SFMBT2: variants seen among roughly 807,000 people sequenced by gnomAD.
SFMBT2 encodes the protein scm-like with four MBT domains protein 2.
A neutral mutation model predicts 110.1 loss-of-function variants in SFMBT2; 38 were observed. The ratio of observed to expected loss-of-function variants is 0.35; its 90% CI spans 0.27 to 0.45. The LOEUF (loss-of-function observed/expected upper bound fraction) is 0.45. SFMBT2 is among the 20% of genes least tolerant of loss of function. The pLI is 1.00. For missense variants in SFMBT2, 1,011 were observed against 1,094.9 expected (o/e 0.92, Z 1.08); for synonymous variants, 425 against 425.4 (o/e 1.00, Z 0.01).
chr10:7,257,106 G>GGGAGGGGAGC (rs1459535842), intron 7 of SFMBT2, among the ~76,000 whole-genome samples: 9 of 146,902 alleles, frequency 6.1e-5, no homozygotes, highest in Non-Finnish European at 7.6e-5. Context: ...GGAAGGGGAG[G>GGGAGGGGAGC]GGAGGGGAGG....
chr10:7,207,635 C>T (rs1839196451), intron 11 of SFMBT2: 5 of 983,526 alleles, frequency 5.1e-6, no homozygotes, highest in Non-Finnish European at 6.0e-6. Context: ...TTCTGAATCA[C>T]ATCCTCCCTC....
rs373322144 is a variant in SFMBT2 at position 7,248,799 on chromosome 10, AGAT to A, written c.871-153_871-151del. 2.3e-3 allele frequency: 1,567 copies of A among 691,028 alleles called. 16 individuals carry two copies. In the African/African-American group the frequency reaches 0.023, roughly 10 times the overall value. The allele number at this position is 691,028 out of a possible 1,614,324, so 42.8% of individuals were successfully genotyped here. On this transcript the variant is annotated intron_variant, in intron 7 of 20. Transcript: ENST00000397167. ...CTGTTTCGAATTTCTAATTATTGCC[AGAT>A]ACCACGGATTTAATTATTTTCTGCA... is the stretch of plus-strand genomic sequence containing the variant.
chr10:7,160,122 T>A lies in SFMBT2; in HGVS notation c.*3648A>T, dbSNP rs1399091201. 2.0e-5 allele frequency: 3 copies of A among 152,214 alleles called. No individual in the cohort carries two copies. Among genetic ancestry groups the A allele is most frequent in the Non-Finnish European group, 4.4e-5 (3 of 68,042 alleles). 9.4% of individuals were successfully genotyped at this position (152,214 alleles called of 1,614,324 possible). On this transcript the variant is annotated 3_prime_UTR_variant, in exon 21 of 21. Transcript: ENST00000397167. ...GAAGCCGTGCAGCTCAAATACTGTG[T>A]CTGACTCCAACTTGGATCAAATGAC...
chr10:7,286,418 G>A lies in SFMBT2; in HGVS notation c.437-464C>T, dbSNP rs991104344. 12 of 966,054 alleles carry A rather than the reference G, an allele frequency of 1.2e-5. No homozygotes were observed. In the African/African-American group the frequency reaches 1.6e-4, roughly 13 times the overall value. 59.8% of individuals were successfully genotyped at this position (966,054 alleles called of 1,614,324 possible). On this transcript the variant is annotated intron_variant, in intron 4 of 20. Coordinates refer to ENST00000397167, the MANE Select transcript of SFMBT2 (RefSeq NM_001387889.1). ...AAATGGGCACAAAATAACAAGAGGGGTGGACTGAAGGTGAAATGGAGAAAT... is the reference window on the plus strand; with the variant it reads ...AAATGGGCACAAAATAACAAGAGGGATGGACTGAAGGTGAAATGGAGAAAT...
intron 11 of SFMBT2, among the ~76,000 whole-genome samples, chr10:7,216,324 G>T (rs1205307796): frequency 6.6e-6 from 1 of 152,112 alleles, no homozygotes; most frequent in Non-Finnish European, 1.5e-5. Context: ...AATCATGGGG[G>T]GCAGCTCCCC....
chr10:7,220,887 C>T (rs61838000), intron 10 of SFMBT2, among the ~76,000 whole-genome samples: 5,065 of 150,288 alleles, frequency 0.034, 272 homozygotes, highest in Admixed American at 0.15. Context: ...AGTGCAGTGG[C>T]GTGATCTCGG....
chr10:7,277,091 C>A, intron 6 of SFMBT2, 102 bp from the exon 7 acceptor site: 1 of 721,920 alleles, frequency 1.4e-6, no homozygotes, highest in Non-Finnish European at 2.5e-6. Context: ...TACCTCAGCA[C>A]GGTCAGTGAC....
At chr10:7,327,135 G>GA (rs35099211) in intron 4 of SFMBT2, among the ~76,000 whole-genome samples, 27 of 125,564 alleles carry the variant, frequency 2.2e-4, no homozygotes, top group African/African-American at 6.7e-4. Context: ...GGTCTTCCTT[G>GA]AAAAAAAAAA....
At chr10:7,312,455 A>T (rs1842885452) in intron 4 of SFMBT2, among the ~76,000 whole-genome samples, 1 of 152,214 alleles carries the variant, frequency 6.6e-6, no homozygotes, top group Non-Finnish European at 1.5e-5. Flanking sequence ...GGGGAACAGG[A>T]ATGCTGAGGC....
At chr10:7,265,337 G>A (rs117445312) in intron 7 of SFMBT2, among the ~76,000 whole-genome samples, 3,785 of 152,056 alleles carry the variant, frequency 0.025, 54 homozygotes, top group Non-Finnish European at 0.038. Flanking sequence ...ATGTAGCTGG[G>A]ATAACATGCG....
Position 7,312,508 on chromosome 10 carries a change from G to A in SFMBT2, c.437-26554C>T, listed in dbSNP as rs1020796375. Among the ~76,000 whole-genome samples, 5 of 152,266 alleles carry A rather than the reference G, an allele frequency of 3.3e-5. No individual in the cohort carries two copies. In the East Asian group the frequency reaches 5.8e-4, roughly 18 times the overall value. On this transcript the variant is annotated intron_variant, in intron 4 of 20. Coordinates refer to ENST00000397167, the MANE Select transcript of SFMBT2 (RefSeq NM_001387889.1). ...ATAAAATAGAGGAAAAGAGAATGAC[G>A]AGAATCCAGAAATTTTGCCTTAGAA...
chr10:7,270,617 G>C (rs1045496033), intron 7 of SFMBT2, among the ~76,000 whole-genome samples: 1 of 152,158 alleles, frequency 6.6e-6, no homozygotes, highest in Non-Finnish European at 1.5e-5. Flanking sequence ...CCCACACCCT[G>C]CCTCATGAGA....
chr10:7,169,282 A>G (rs1424858424), intron 20 of SFMBT2, among the ~76,000 whole-genome samples: 1 of 152,196 alleles, frequency 6.6e-6, no homozygotes, highest in Non-Finnish European at 1.5e-5. Context: ...TTCTTTCAGC[A>G]TGAACTTAGT....
Position 7,197,647 on chromosome 10 carries a change from G to A in SFMBT2, c.1599C>T (p.Ile533=). 6.2e-7 allele frequency: 1 copy of A among 1,614,212 alleles called. No individual in the cohort carries two copies. Among genetic ancestry groups the A allele is most frequent in the Non-Finnish European group, 8.5e-7 (1 of 1,180,036 alleles). The change falls in exon 15 of 21, where the codon ATC becomes ATT. Residue 533 remains isoleucine, a synonymous_variant. Transcript: ENST00000397167. The part of the protein sequence containing the change: ...NGKYCCPQLF[I]NHRCFSGPYL... ...AAGGGCCTGAGAAACACCTGTGGTT[G>A]ATGAAGAGCTGAGGACAGCAGTATT...
At chr10:7,226,366 T>TA (rs1256519784) in intron 10 of SFMBT2, among the ~76,000 whole-genome samples, 1 of 152,112 alleles carries the variant, frequency 6.6e-6, no homozygotes, top group Non-Finnish European at 1.5e-5. Flanking sequence ...CTCCAAACTC[T>TA]GATTTTGACT....
At chr10:7,234,378 A>G (rs1027331886) in intron 9 of SFMBT2, among the ~76,000 whole-genome samples, 33 of 152,336 alleles carry the variant, frequency 2.2e-4, no homozygotes, top group African/African-American at 7.7e-4. Context: ...AATGTTCTAC[A>G]TGTTATTCTG....
chr10:7,315,341 A>G (rs768571204), intron 4 of SFMBT2, among the ~76,000 whole-genome samples: 4 of 152,240 alleles, frequency 2.6e-5, no homozygotes, highest in Non-Finnish European at 2.9e-5. Flanking sequence ...GCAGGCCTGT[A>G]TAGAACAAGA....
intron 7 of SFMBT2, among the ~76,000 whole-genome samples, chr10:7,256,761 T>G (rs1841020338): frequency 6.6e-6 from 1 of 152,112 alleles, no homozygotes; most frequent in Non-Finnish European, 1.5e-5. Context: ...AACCCCAGCC[T>G]GGGACTGGTA....
chr10:7,285,649 C>T (rs1246202953), intron 5 of SFMBT2: 4 of 501,002 alleles, frequency 8.0e-6, no homozygotes, highest in Non-Finnish European at 1.4e-5. Flanking sequence ...AGCAAATTTT[C>T]CATTTGCTGA....
Sources: allele counts gnomAD v4.1 joint callset (sites outside exome capture counted in the v4.1 genomes callset), GRCh38; gene constraint gnomAD v4.1.1; transcripts MANE v1.5; gene names NCBI Gene and HGNC (gene_info 2026-07-23, HGNC 2026-07-21).